The following ARID1B variants were observed in gnomAD, a reference collection of about 807,000 sequenced individuals.
ARID1B encodes the protein AT-rich interactive domain-containing protein 1B.
A neutral mutation model predicts 212.3 loss-of-function variants in ARID1B; 30 were observed. That is an observed-to-expected ratio of 0.14 (90% CI 0.11 to 0.19). ARID1B has a LOEUF of 0.19. Among genes scored for constraint, ARID1B ranks in the 10% least tolerant of loss-of-function variants. The pLI is 1.00. For synonymous variants in ARID1B, 1,402 were observed against 1,301.7 expected (o/e 1.08, Z -1.66); for missense variants, 2,891 against 3,204.0 (o/e 0.90, Z 2.36).
intron 4 of ARID1B, among the ~76,000 whole-genome samples, chr6:157,058,259 T>C (rs1469510820): frequency 6.6e-6 from 1 of 150,434 alleles, no homozygotes; most frequent in African/African-American, 2.5e-5. Context: ...AACTACTTTA[T>C]CTTGGTCTTT....
At chr6:156,928,095 GCAGCTGAA>G (rs1169774408) in intron 3 of ARID1B, among the ~76,000 whole-genome samples, 1 of 152,198 alleles carries the variant, frequency 6.6e-6, no homozygotes, top group Non-Finnish European at 1.5e-5. Flanking sequence ...TGGGACCCGA[GCAGCTGAA>G]CAGGTGAAGT....
At chr6:156,856,407 A>G (rs981317074) in intron 2 of ARID1B, among the ~76,000 whole-genome samples, 3 of 152,182 alleles carry the variant, frequency 2.0e-5, no homozygotes, top group African/African-American at 7.2e-5. Context: ...TAACTCATCA[A>G]CTTCTTAGGA....
chr6:156,928,972 A>G (rs1791474416), intron 3 of ARID1B, among the ~76,000 whole-genome samples: 1 of 152,212 alleles, frequency 6.6e-6, no homozygotes, highest in South Asian at 2.1e-4. Flanking sequence ...TTATTATGTG[A>G]TAGTGTTTGA....
chr6:157,068,461 T>C (rs2128423460), intron 4 of ARID1B, among the ~76,000 whole-genome samples: 1 of 152,306 alleles, frequency 6.6e-6, no homozygotes, highest in African/African-American at 2.4e-5. Flanking sequence ...ATTATTATGT[T>C]TGCAAGTCCA....
intron 7 of ARID1B, among the ~76,000 whole-genome samples, chr6:157,139,090 T>C (rs913595972): frequency 6.6e-6 from 1 of 152,144 alleles, no homozygotes; most frequent in East Asian, 1.9e-4. Flanking sequence ...AAGGAAAATA[T>C]ACAGTACAAA....
intron 4 of ARID1B, among the ~76,000 whole-genome samples, chr6:157,081,857 TA>T (rs1242968185): frequency 6.6e-6 from 1 of 152,224 alleles, no homozygotes; most frequent in Admixed American, 6.5e-5. Flanking sequence ...TTTCAAAAAT[TA>T]AATCTGATTT....
chr6:156,807,614 T>C (rs765031428), intron 1 of ARID1B, among the ~76,000 whole-genome samples: 10 of 152,090 alleles, frequency 6.6e-5, no homozygotes, highest in Non-Finnish European at 1.3e-4. Flanking sequence ...ATGTGTCTTT[T>C]AGTTGATTTT....
chr6:157,023,011 T>G (rs1447594999), intron 4 of ARID1B: 1 of 152,230 alleles, frequency 6.6e-6, no homozygotes, highest in African/African-American at 2.4e-5. Context: ...AATTTTCATG[T>G]AGCAATTTCT....
intron 5 of ARID1B, among the ~76,000 whole-genome samples, chr6:157,106,880 G>T (rs1786524983): frequency 6.6e-6 from 1 of 152,120 alleles, no homozygotes. Context: ...AAATGTGGAA[G>T]AAAAAGGGGA....
At chr6:156,981,581 T>TGA (rs1777607008) in intron 4 of ARID1B, among the ~76,000 whole-genome samples, 1 of 152,242 alleles carries the variant, frequency 6.6e-6, no homozygotes, top group South Asian at 2.1e-4. Flanking sequence ...CATCATTTAC[T>TGA]GGCTTCCTAT....
chr6:156,782,552 G>A (rs1302242137), intron 1 of ARID1B, among the ~76,000 whole-genome samples: 2 of 152,066 alleles, frequency 1.3e-5, no homozygotes, highest in East Asian at 3.9e-4. Context: ...ATAAAACGTA[G>A]TACAATGTAT....
At chr6:157,019,967 G>C (rs1230912167) in intron 4 of ARID1B, among the ~76,000 whole-genome samples, 1 of 152,122 alleles carries the variant, frequency 6.6e-6, no homozygotes, top group Non-Finnish European at 1.5e-5. Context: ...AGAACCATCT[G>C]AAAATCTTAA....
intron 8 of ARID1B, chr6:157,149,798 A>G (rs1227341851): frequency 6.6e-6 from 1 of 152,164 alleles, no homozygotes; most frequent in Non-Finnish European, 1.5e-5. Flanking sequence ...AAGGGAAGCA[A>G]AAGCTAAGGT....
chr6:157,131,476 G>A (rs759288562), intron 6 of ARID1B, among the ~76,000 whole-genome samples: 3 of 152,132 alleles, frequency 2.0e-5, no homozygotes, highest in African/African-American at 4.8e-5. Context: ...TGGGCGAGCC[G>A]GGAGGAGGGA....
At chr6:156,994,639 A>G (rs996246767) in intron 4 of ARID1B, among the ~76,000 whole-genome samples, 1 of 151,816 alleles carries the variant, frequency 6.6e-6, no homozygotes, top group Non-Finnish European at 1.5e-5. Context: ...ACGCACGCCC[A>G]TTATGGGCAA....
At chr6:157,194,921 C>G (rs1200555401) in intron 15 of ARID1B, 2 of 152,078 alleles carry the variant, frequency 1.3e-5, no homozygotes, top group African/African-American at 4.8e-5. Context: ...CCCAGGAGTT[C>G]GAGGCTACAG....
Position 156,807,164 on chromosome 6 carries a change from C to T in ARID1B, c.1792-22063C>T, listed in dbSNP as rs79008705. Among the ~76,000 whole-genome samples, 1,091 of 144,224 alleles carry T rather than the reference C, an allele frequency of 7.6e-3. 5 individuals carry two copies. The highest frequency in any genetic ancestry group is 0.012 in the Non-Finnish European group (778 of 65,914). The allele number at this position is 144,224 out of a possible 152,430, so 94.6% of individuals were successfully genotyped here. A position where few individuals can be genotyped will look rare whatever the true frequency, so the allele number is the denominator to read the frequency against. On this transcript the variant is annotated intron_variant, in intron 1 of 19. Transcript: ENST00000636930. ...CCCCCCCACGCCCCACCCAGTGAAG[C>T]ATCTTTGTTTGCACAACTCTTTATT... is the stretch of plus-strand genomic sequence containing the variant.
intron 2 of ARID1B, among the ~76,000 whole-genome samples, chr6:156,832,294 A>C (rs973370583): frequency 6.6e-6 from 1 of 152,196 alleles, no homozygotes; most frequent in Non-Finnish European, 1.5e-5. Flanking sequence ...GGGTCCTGGC[A>C]CTGTGATTGG....
chr6:157,010,461 T>C (rs182609796), intron 4 of ARID1B, among the ~76,000 whole-genome samples: 1 of 152,058 alleles, frequency 6.6e-6, no homozygotes, highest in East Asian at 1.9e-4. Flanking sequence ...TAGCTGGGAT[T>C]ACAGGCAAGC....
Sources: gnomAD v4.1 joint callset for allele counts (sites outside exome capture counted in the v4.1 genomes callset) on GRCh38, gnomAD v4.1.1 for gene constraint, MANE v1.5 for transcripts, NCBI Gene and HGNC (gene_info 2026-07-23, HGNC 2026-07-21) for gene names.